The following PCDH7 variants were observed in gnomAD, a reference collection of about 807,000 sequenced individuals.
PCDH7 encodes the protein protocadherin 7, also known as protocadherin-7.
PCDH7 carries 17 observed loss-of-function variants against 58.9 expected under a neutral mutation model. That is an observed-to-expected ratio of 0.29 (90% confidence interval 0.20 to 0.43). The LOEUF (loss-of-function observed/expected upper bound fraction) is 0.43. Among genes scored for constraint, PCDH7 ranks in the 20% least tolerant of loss-of-function variants. The pLI is 1.00. For missense variants in PCDH7, 1,274 were observed against 1,441.0 expected (o/e 0.88, Z 1.88); for synonymous variants, 664 against 616.4 (o/e 1.08, Z -1.14).
intron 3 of PCDH7, among the ~76,000 whole-genome samples, chr4:31,049,601 G>T (rs756440776): frequency 1.3e-5 from 2 of 152,126 alleles, no homozygotes; most frequent in African/African-American, 4.8e-5. Flanking sequence ...TTTAGGTAAA[G>T]AGAAGTTCAT....
At chr4:30,817,036 G>T (rs979791008) in intron 1 of PCDH7, among the ~76,000 whole-genome samples, 2 of 152,066 alleles carry the variant, frequency 1.3e-5, no homozygotes, top group Non-Finnish European at 2.9e-5. Context: ...TAACAATACC[G>T]AACATCCTTA....
chr4:31,144,955 G>T (rs1244841877), downstream of PCDH7: 1 of 151,888 alleles, frequency 6.6e-6, no homozygotes, highest in East Asian at 1.9e-4. Flanking sequence ...TACCTATTAA[G>T]ACAAAATACT....
At chr4:30,914,005 A>C (rs1222107749) in intron 1 of PCDH7, among the ~76,000 whole-genome samples, 1 of 152,064 alleles carries the variant, frequency 6.6e-6, no homozygotes, top group Admixed American at 6.6e-5. Flanking sequence ...GATCTCACCC[A>C]CATTTTAGGG....
chr4:30,835,780 ATT>A (rs1730417384), intron 1 of PCDH7, among the ~76,000 whole-genome samples: 1 of 152,178 alleles, frequency 6.6e-6, no homozygotes, highest in African/African-American at 2.4e-5. Flanking sequence ...AGATGATGTA[ATT>A]ACTAAATGGA....
At chr4:30,745,918 C>A (rs951765961) in intron 1 of PCDH7, among the ~76,000 whole-genome samples, 8 of 152,164 alleles carry the variant, frequency 5.3e-5, no homozygotes, top group Non-Finnish European at 8.8e-5. Flanking sequence ...CAGCTCACTG[C>A]AACCTCTGCC....
intron 1 of PCDH7, among the ~76,000 whole-genome samples, chr4:30,805,927 G>A (rs932851475): frequency 6.6e-6 from 1 of 152,176 alleles, no homozygotes; most frequent in Non-Finnish European, 1.5e-5. Flanking sequence ...TATCTGAAAT[G>A]CTTGGGACCA....
At chr4:30,921,380 G>A (rs888116301) in intron 2 of PCDH7, among the ~76,000 whole-genome samples, 1 of 151,960 alleles carries the variant, frequency 6.6e-6, no homozygotes, top group African/African-American at 2.4e-5. Context: ...TTATATATCC[G>A]TTTCTTTAGT....
intron 3 of PCDH7, among the ~76,000 whole-genome samples, chr4:30,986,651 A>G (rs1010042329): frequency 4.6e-5 from 7 of 151,998 alleles, no homozygotes; most frequent in Non-Finnish European, 7.4e-5. Context: ...CTTATCTGAA[A>G]TTTAAAACTG....
intron 1 of PCDH7, among the ~76,000 whole-genome samples, chr4:30,849,725 T>C (rs1466340992): frequency 6.6e-6 from 1 of 152,148 alleles, no homozygotes; most frequent in Non-Finnish European, 1.5e-5. Context: ...ACTAAGACCC[T>C]CGCATTGTCC....
chr4:30,864,551 G>T (rs978135151), intron 1 of PCDH7, among the ~76,000 whole-genome samples: 1 of 151,646 alleles, frequency 6.6e-6, no homozygotes, highest in African/African-American at 2.4e-5. Flanking sequence ...AAAATGGTAG[G>T]ATATAGATGA....
intron 3 of PCDH7, among the ~76,000 whole-genome samples, chr4:30,956,969 T>C (rs1443200191): frequency 6.6e-6 from 1 of 152,214 alleles, no homozygotes; most frequent in East Asian, 1.9e-4. Flanking sequence ...GAGGTCGGCA[T>C]CCCTTTGTAA....
chr4:30,748,658 T>A (rs191517470), intron 1 of PCDH7, among the ~76,000 whole-genome samples: 46 of 152,318 alleles, frequency 3.0e-4, no homozygotes, highest in African/African-American at 5.3e-4. Context: ...AAGTTTTTGA[T>A]ATACGAATTT....
At chr4:30,827,921 G>A (rs1729304456) in intron 1 of PCDH7, among the ~76,000 whole-genome samples, 1 of 152,146 alleles carries the variant, frequency 6.6e-6, no homozygotes. Context: ...CTTAGGTTTT[G>A]TAGTTACACT....
intron 1 of PCDH7, among the ~76,000 whole-genome samples, chr4:30,871,223 C>A (rs1053594775): frequency 1.3e-5 from 2 of 152,074 alleles, no homozygotes; most frequent in Non-Finnish European, 2.9e-5. Context: ...AATATAAAAT[C>A]ATTCCAAGGA....
intron 1 of PCDH7, among the ~76,000 whole-genome samples, chr4:30,772,597 C>T (rs761376701): frequency 8.5e-5 from 13 of 152,136 alleles, no homozygotes; most frequent in Non-Finnish European, 1.3e-4. Context: ...ATTCCATCTG[C>T]CATGCCTAGA....
intron 1 of PCDH7, among the ~76,000 whole-genome samples, chr4:30,797,047 G>A (rs986352971): frequency 2.0e-5 from 3 of 151,294 alleles, no homozygotes; most frequent in Non-Finnish European, 2.9e-5. Flanking sequence ...TGCAACCTCC[G>A]CCTCTCGGAC....
chr4:30,985,545 A>T (rs1451776882), intron 3 of PCDH7, among the ~76,000 whole-genome samples: 1 of 152,186 alleles, frequency 6.6e-6, no homozygotes, highest in Non-Finnish European at 1.5e-5. Flanking sequence ...GACCTTGGAC[A>T]ATTTATTTAA....
intron 2 of PCDH7, among the ~76,000 whole-genome samples, chr4:30,943,679 C>A (rs1746325685): frequency 6.6e-6 from 1 of 151,938 alleles, no homozygotes; most frequent in Non-Finnish European, 1.5e-5. Context: ...TGGTCCAAAA[C>A]ACATTTGTAA....
chr4:31,044,957 T>C (rs563787550), intron 3 of PCDH7, among the ~76,000 whole-genome samples: 3 of 152,166 alleles, frequency 2.0e-5, no homozygotes, highest in Admixed American at 2.0e-4. Flanking sequence ...TCTCAAGCTA[T>C]CAAGTTTTGG....
Sources: allele counts gnomAD v4.1 joint callset (sites outside exome capture counted in the v4.1 genomes callset), GRCh38; gene constraint gnomAD v4.1.1; transcripts MANE v1.5; gene names NCBI Gene and HGNC (gene_info 2026-07-23, HGNC 2026-07-21).